Variants in PGM2L1 observed in about 807,000 individuals in gnomAD.
The protein encoded by PGM2L1 is glucose 1,6-bisphosphate synthase.
Under a neutral mutation model 73.4 loss-of-function variants are expected in PGM2L1, and 35 were observed. The observed-to-expected ratio is 0.48, with a 90% CI of 0.36 to 0.63. The LOEUF (loss-of-function observed/expected upper bound fraction) is 0.63. PGM2L1 is among the 30% of genes least tolerant of loss of function. The pLI is 0.00. For synonymous variants in PGM2L1, 225 were observed against 253.8 expected, an observed-to-expected ratio of 0.89 and a Z score of 1.08; for missense variants, 570 against 742.0, an observed-to-expected ratio of 0.77 and a Z score of 2.69.
chr11:74,382,805 A>G (rs1862966149), intron 1 of PGM2L1, among the ~76,000 whole-genome samples: 2 of 152,124 alleles, frequency 1.3e-5, no homozygotes, highest in South Asian at 2.1e-4. Context: ...GCTTTGTACT[A>G]TATTTCTTTA....
At chr11:74,395,973 C>T (rs7924914) in intron 1 of PGM2L1, among the ~76,000 whole-genome samples, 29,680 of 151,608 alleles carry the variant, frequency 0.2, 3,174 homozygotes, top group East Asian at 0.3. Context: ...ATTCAGGGGC[C>T]GGGTGTGGTG....
At chr11:74,358,554 G>A (rs558968187) in intron 5 of PGM2L1, among the ~76,000 whole-genome samples, 1 of 152,254 alleles carries the variant, frequency 6.6e-6, no homozygotes, top group Non-Finnish European at 1.5e-5. Flanking sequence ...ACCTTGAATA[G>A]GGAATGCAAA....
In PGM2L1 at chr11:74,334,636, A is replaced by G. The variant is rs1335118318; in HGVS notation, c.*2016T>C. ...GTGGCAATACAATAGTTGGACAATT[A>G]GGTTTGGATTATATGAGCTCAACCA... On this transcript the variant is annotated 3_prime_UTR_variant, in exon 14 of 14. Coordinates refer to ENST00000298198, the MANE Select transcript of PGM2L1 (RefSeq NM_173582.6). 1 of 152,236 alleles carries G rather than the reference A, an allele frequency of 6.6e-6. No homozygotes were observed. Among genetic ancestry groups the G allele is most frequent in the Non-Finnish European group, 1.5e-5 (1 of 68,040 alleles). The allele number at this position is 152,236 out of a possible 1,614,324, so 9.4% of individuals were successfully genotyped here.
At chr11:74,350,900 AG>A (rs1254654936) in intron 6 of PGM2L1, among the ~76,000 whole-genome samples, 1 of 32,270 alleles carries the variant, frequency 3.1e-5, no homozygotes, top group Non-Finnish European at 1.5e-4. Flanking sequence ...AGAAAGAAAG[AG>A]AGAGAGAGAG....
chr11:74,395,581 AT>A (rs1413752168), intron 1 of PGM2L1, among the ~76,000 whole-genome samples: 1 of 44,524 alleles, frequency 2.2e-5, no homozygotes, highest in African/African-American at 8.3e-5. Flanking sequence ...TTTTTTTTGT[AT>A]TTTTAGTAGG....
chr11:74,350,350 T>C (rs1862330143), intron 6 of PGM2L1, among the ~76,000 whole-genome samples: 2 of 152,188 alleles, frequency 1.3e-5, no homozygotes, highest in Non-Finnish European at 2.9e-5. Flanking sequence ...CAGAGATAAT[T>C]ATGGAAATAT....
At chr11:74,351,875 T>C (rs529339405) in intron 5 of PGM2L1, among the ~76,000 whole-genome samples, 37 of 150,864 alleles carry the variant, frequency 2.5e-4, no homozygotes, top group Non-Finnish European at 4.6e-4. Context: ...GGCAGGAGAA[T>C]AGCATGAACC....
intron 5 of PGM2L1, chr11:74,355,552 T>G (rs1862432038): frequency 9.1e-6 from 1 of 109,640 alleles, no homozygotes; most frequent in Non-Finnish European, 1.6e-5. Flanking sequence ...AGACTCCGTC[T>G]CAAAAAAAAA....
intron 1 of PGM2L1, among the ~76,000 whole-genome samples, chr11:74,395,254 A>G (rs1289161386): frequency 6.6e-6 from 1 of 152,126 alleles, no homozygotes; most frequent in Non-Finnish European, 1.5e-5. Flanking sequence ...TTCTTTAAAG[A>G]TATGATCCAT....
intron 5 of PGM2L1, among the ~76,000 whole-genome samples, chr11:74,361,409 AT>A (rs1257384906): frequency 6.6e-6 from 1 of 152,210 alleles, no homozygotes; most frequent in Non-Finnish European, 1.5e-5. Context: ...CGTCACCATC[AT>A]CAAAGACCAA....
intron 1 of PGM2L1, among the ~76,000 whole-genome samples, chr11:74,397,046 GAATA>G (rs981585925): frequency 3.9e-5 from 6 of 152,142 alleles, no homozygotes; most frequent in Admixed American, 2.0e-4. Context: ...ATGAATGAAT[GAATA>G]AAGTAAAAAC....
chr11:74,380,425 T>A (rs1862923751), intron 1 of PGM2L1, among the ~76,000 whole-genome samples: 2 of 152,110 alleles, frequency 1.3e-5, no homozygotes, highest in South Asian at 4.1e-4. Context: ...CTTTAAAAAA[T>A]TGGTAGAAAT....
intron 5 of PGM2L1, chr11:74,354,766 G>C: frequency 3.8e-6 from 4 of 1,044,980 alleles, no homozygotes; most frequent in South Asian, 1.3e-5. Context: ...AAAGCTATTT[G>C]TTGGTAGCAT....
At chr11:74,355,165 G>A in intron 5 of PGM2L1, 1 of 1,405,326 alleles carries the variant, frequency 7.1e-7, no homozygotes, top group Non-Finnish European at 9.9e-7. Flanking sequence ...TATGGTGGCA[G>A]TGGGGATGGC....
At chr11:74,341,364 A>G (rs940491066) in intron 12 of PGM2L1, among the ~76,000 whole-genome samples, 3 of 152,182 alleles carry the variant, frequency 2.0e-5, no homozygotes, top group Non-Finnish European at 2.9e-5. Flanking sequence ...TCACACAGGA[A>G]AGAATTCAAG....
chr11:74,353,853 A>C (rs1862398415), intron 5 of PGM2L1, among the ~76,000 whole-genome samples: 1 of 145,942 alleles, frequency 6.9e-6, no homozygotes, highest in Admixed American at 6.9e-5. Flanking sequence ...TGCTGGGTAC[A>C]CCTCCCAGAT....
Position 74,343,366 on chromosome 11 carries a change from C to T in PGM2L1, c.1269G>A (p.Leu423=). 1.2e-6 allele frequency: 2 copies of T among 1,610,190 alleles called. No individual in the cohort carries two copies. The highest frequency in any genetic ancestry group is 1.7e-6 in the Non-Finnish European group (2 of 1,178,986). The change falls in exon 10 of 14, where the codon CTG becomes CTA. Residue 423 remains leucine, a synonymous_variant. Coordinates refer to ENST00000298198, the MANE Select transcript of PGM2L1 (RefSeq NM_173582.6). ...KWIGSRIIDL[L]ENGKEVLFAF... ...CAAAAAGGACTTCTTTCCCATTTTCCAGGAGGTCTATTATCCTACTTCCAA... is the reference window on the plus strand; with the variant it reads ...CAAAAAGGACTTCTTTCCCATTTTCTAGGAGGTCTATTATCCTACTTCCAA...
chr11:74,351,214 A>G (rs556917674), intron 6 of PGM2L1, among the ~76,000 whole-genome samples, 169 bp downstream of exon 6: 2 of 152,322 alleles, frequency 1.3e-5, no homozygotes, highest in South Asian at 4.1e-4. Flanking sequence ...TTACTTATCC[A>G]TTCATTAGTT....
rs191036199 is a variant in PGM2L1 at position 74,378,159 on chromosome 11, G to C, written c.112-3577C>G. ...TCTACTAAAAATACAAAAATTAGCTGGGCATGGTAGCATGTGCCTGTAGTC... is the reference window on the plus strand; with the variant it reads ...TCTACTAAAAATACAAAAATTAGCTCGGCATGGTAGCATGTGCCTGTAGTC... On this transcript the variant is annotated intron_variant, in intron 1 of 13. Transcript: ENST00000298198. Among the ~76,000 whole-genome samples, 485 of 152,164 alleles carry C rather than the reference G, an allele frequency of 3.2e-3. 3 individuals are homozygous for C. The highest frequency in any genetic ancestry group is 0.011 in the African/African-American group (474 of 41,520).
Sources: gnomAD v4.1 joint callset for allele counts (sites outside exome capture counted in the v4.1 genomes callset) on GRCh38, gnomAD v4.1.1 for gene constraint, MANE v1.5 for transcripts, NCBI Gene and HGNC (gene_info 2026-07-23, HGNC 2026-07-21) for gene names.